Variants in MAP3K20 observed in about 807,000 individuals in gnomAD.
The protein encoded by MAP3K20 is mitogen-activated protein kinase kinase kinase 20.
MAP3K20 carries 40 observed loss-of-function variants against 85.7 expected under a neutral mutation model. The observed-to-expected ratio is 0.47, with a 90% CI of 0.36 to 0.61. The LOEUF is 0.61. Among genes scored for constraint, MAP3K20 ranks in the 20% least tolerant of loss-of-function variants. The pLI is 0.00. For missense variants in MAP3K20, 817 were observed against 961.7 expected (o/e 0.85, Z 1.99); for synonymous variants, 325 against 327.7 (o/e 0.99, Z 0.09).
intron 2 of MAP3K20, among the ~76,000 whole-genome samples, chr2:173,092,143 C>T (rs994871776): frequency 1.3e-5 from 2 of 152,302 alleles, no homozygotes; most frequent in Admixed American, 6.5e-5. Flanking sequence ...TGTGAGTTTC[C>T]TCCCAGCGGT....
chr2:173,169,719 CAA>C, intron 2 of MAP3K20, 84 bp from the exon 3 acceptor site: 3 of 1,331,414 alleles, frequency 2.3e-6, no homozygotes, highest in South Asian at 1.3e-5. Flanking sequence ...GACCCTAACT[CAA>C]AAAAAAATGA....
At chr2:173,239,001 T>G (rs1310370525) in intron 15 of MAP3K20, among the ~76,000 whole-genome samples, 1 of 152,188 alleles carries the variant, frequency 6.6e-6, no homozygotes, top group African/African-American at 2.4e-5. Flanking sequence ...TCATCCTCCA[T>G]CCACATTTGC....
At chr2:173,220,415 C>G (rs1323643573) in intron 11 of MAP3K20, among the ~76,000 whole-genome samples, 1 of 152,198 alleles carries the variant, frequency 6.6e-6, no homozygotes, top group Non-Finnish European at 1.5e-5. Flanking sequence ...TTAGAACAAT[C>G]TAAATTAACA....
Position 173,231,773 on chromosome 2 carries a change from T to C in MAP3K20, c.1033-419T>C, listed in dbSNP as rs78999418. 9.8e-5 allele frequency among the ~76,000 whole-genome samples: 15 copies of C among 152,348 alleles called. No homozygotes were observed. The East Asian group carries it at 1.2e-3, about 12-fold the overall frequency. ...TGGCTGGGGCCACGTGGCTACTTCA[T>C]GACCTGGCCTAGAACAAAAGATTCC... On this transcript the variant is annotated intron_variant, in intron 12 of 19. Transcript: ENST00000375213.
intron 16 of MAP3K20, among the ~76,000 whole-genome samples, chr2:173,241,697 G>T (rs1684787375): frequency 6.6e-6 from 1 of 151,972 alleles, no homozygotes; most frequent in East Asian, 1.9e-4. Flanking sequence ...TTTTAAAGAT[G>T]CCCTTTCTAG....
chr2:173,164,716 A>AT (rs1160994994), intron 2 of MAP3K20, among the ~76,000 whole-genome samples: 2 of 152,194 alleles, frequency 1.3e-5, no homozygotes, highest in Non-Finnish European at 2.9e-5. Flanking sequence ...AGATGGAGAT[A>AT]TTTTTTAACT....
intron 2 of MAP3K20, among the ~76,000 whole-genome samples, chr2:173,164,617 A>G (rs186358475): frequency 2.0e-5 from 3 of 152,322 alleles, no homozygotes; most frequent in East Asian, 1.9e-4. Flanking sequence ...TAAGGAGTCT[A>G]TGGCAGCTCT....
chr2:173,201,493 C>T lies in MAP3K20; in HGVS notation c.670-2303C>T, dbSNP rs563759790. 3.9e-5 allele frequency among the ~76,000 whole-genome samples: 6 copies of T among 152,192 alleles called. No individual in the cohort carries two copies. In the South Asian group the frequency reaches 8.3e-4, roughly 21 times the overall value. ...TTGACTAACAGAAATCTTCATAAGA[C>T]TTAATCCACTGTTCTTGACTATACT... On this transcript the variant is annotated intron_variant, in intron 8 of 19. Transcript: ENST00000375213.
At chr2:173,209,635 T>G in intron 9 of MAP3K20, 94 bp from the exon 10 acceptor site, 2 of 979,038 alleles carry the variant, frequency 2.0e-6, no homozygotes, top group South Asian at 1.7e-5. Flanking sequence ...TATGGTGGGT[T>G]GAGTTTATTA....
chr2:173,190,865 G>A, intron 5 of MAP3K20, 30 bp from the exon 6 acceptor site: 1 of 1,560,786 alleles, frequency 6.4e-7, no homozygotes. Context: ...TTAGATGATT[G>A]TCATAATTTA....
intron 9 of MAP3K20, among the ~76,000 whole-genome samples, chr2:173,205,109 A>AT (rs1220629541): frequency 7.3e-6 from 1 of 136,056 alleles, no homozygotes; most frequent in South Asian, 2.6e-4. Flanking sequence ...TCTCAAAAAA[A>AT]AAAAAAAAAA....
intron 16 of MAP3K20, among the ~76,000 whole-genome samples, chr2:173,254,949 T>C (rs756993784): frequency 9.2e-5 from 14 of 152,340 alleles, no homozygotes; most frequent in Non-Finnish European, 1.8e-4. Flanking sequence ...CAGCATATTC[T>C]CTTTCTCTCT....
rs147205302 is a variant in MAP3K20, at chr2:173,165,206, C to T, written c.160-4599C>T. ...GGTGGATCATCTGAGATCAGGAGTT[C>T]GAGACCAGCCTGGCCAACATGGTGA... On this transcript the variant is annotated intron_variant, in intron 2 of 19. Transcript: ENST00000375213. Among the ~76,000 whole-genome samples, 30 of 151,524 alleles carry T rather than the reference C, an allele frequency of 2.0e-4. No homozygotes were observed. In the East Asian group the frequency reaches 5.1e-3, roughly 26 times the overall value.
At chr2:173,215,023 C>T (rs1185545670) in intron 10 of MAP3K20, among the ~76,000 whole-genome samples, 1 of 152,212 alleles carries the variant, frequency 6.6e-6, no homozygotes, top group Non-Finnish European at 1.5e-5. Flanking sequence ...GTTTCTGTGT[C>T]ACAGCTTTCC....
chr2:173,262,008 C>A (rs1685305743), intron 18 of MAP3K20, among the ~76,000 whole-genome samples: 2 of 146,158 alleles, frequency 1.4e-5, no homozygotes, highest in African/African-American at 5.0e-5. Context: ...GACAGTGAGA[C>A]CCCTGTCTCC....
intron 10 of MAP3K20, chr2:173,215,866 A>G (rs1574122946): frequency 6.6e-6 from 1 of 152,346 alleles, no homozygotes; most frequent in East Asian, 1.9e-4. Context: ...CTTTGGTTAC[A>G]TATATTCATT....
At position 173,198,007 on chromosome 2, in the gene MAP3K20, C is replaced by A; in HGVS notation, c.583-19C>A. On this transcript the variant is annotated intron_variant, in intron 7 of 19. Coordinates refer to ENST00000375213, the MANE Select transcript of MAP3K20 (RefSeq NM_016653.3). This position sits in a 1 kb window ranked among gnomAD's most constrained non-coding sequence, Gnocchi z 5.8. ...ATATAAAGTACAAAAATAAAAATTC[C>A]ATTTTCTTTTTGTTCCAGGTTCTCT... The A allele has an allele frequency of 6.3e-7, 1 of 1,598,882 alleles. No homozygotes were observed. The highest frequency in any genetic ancestry group is 1.3e-5 in the African/African-American group (1 of 74,074).
chr2:173,173,219 G>C (rs1690059180), intron 3 of MAP3K20, among the ~76,000 whole-genome samples: 1 of 151,450 alleles, frequency 6.6e-6, no homozygotes, highest in Non-Finnish European at 1.5e-5. Context: ...ATAAATATGT[G>C]AGGGCAGGGG....
At position 173,198,554 on chromosome 2, in the gene MAP3K20, G is replaced by A. The variant is rs2106284985; in HGVS notation, c.669+442G>A. 6.5e-6 allele frequency: 1 copy of A among 152,752 alleles called. No homozygotes were observed. The highest frequency in any genetic ancestry group is 1.9e-4 in the East Asian group (1 of 5,196). 9.5% of individuals were successfully genotyped at this position (152,752 alleles called of 1,614,324 possible). ...AGGAGTCACTATAGTACAAGAAACT[G>A]TCGCTTAGATGAGAATTTCAAAAAT... On this transcript the variant is annotated intron_variant, in intron 8 of 19. Transcript: ENST00000375213. This position sits in a 1 kb window ranked among gnomAD's most constrained non-coding sequence, Gnocchi z 5.8.
Sources: allele counts gnomAD v4.1 joint callset (sites outside exome capture counted in the v4.1 genomes callset), GRCh38; gene constraint gnomAD v4.1.1; non-coding constraint Gnocchi (gnomAD v3.1); transcripts MANE v1.5; gene names NCBI Gene and HGNC (gene_info 2026-07-23, HGNC 2026-07-21).